The following IQCK variants were observed in gnomAD, a reference collection of about 807,000 sequenced individuals.
IQCK encodes IQ domain-containing protein K.
Under a neutral mutation model 28.1 loss-of-function variants are expected in IQCK, and 29 were observed. The observed-to-expected ratio is 1.03, with a 90% CI of 0.77 to 1.41. The LOEUF (loss-of-function observed/expected upper bound fraction) is 1.41, where lower values mean the gene tolerates loss of function less well. Ranked by LOEUF, IQCK falls within the 40% of genes most tolerant of loss-of-function variation. The probability of loss-of-function intolerance (pLI) is 0.00; values close to 1 mark genes in which losing one functional copy is unlikely to be tolerated. For synonymous variants in IQCK, 113 were observed against 115.1 expected (o/e 0.98, Z 0.12); for missense variants, 359 against 314.7 (o/e 1.14, Z -1.07).
chr16:19,718,319 C>T (rs149136295), exon 1 of IQCK: 9 of 1,607,226 alleles, frequency 5.6e-6, no homozygotes, highest in Non-Finnish European at 7.6e-6. Context: ...GGCGGCACCG[C>T]GGCAAATCCC....
intron 4 of IQCK, among the ~76,000 whole-genome samples, chr16:19,744,063 T>C (rs779399725): frequency 7.9e-5 from 12 of 152,302 alleles, no homozygotes; most frequent in African/African-American, 1.2e-4. Flanking sequence ...AGCAATTCCA[T>C]GATTCCAGCC....
intron 9 of IQCK, among the ~76,000 whole-genome samples, chr16:19,836,791 C>T (rs1052566548): frequency 1.3e-5 from 2 of 152,138 alleles, no homozygotes; most frequent in African/African-American, 2.4e-5. Context: ...AGATTACAGG[C>T]GTTAGCCACC....
chr16:19,736,358 G>A (rs1978014719), intron 4 of IQCK, among the ~76,000 whole-genome samples: 1 of 151,986 alleles, frequency 6.6e-6, no homozygotes, highest in Non-Finnish European at 1.5e-5. Context: ...AACCTCCAGG[G>A]CTCAGTTGAT....
chr16:19,814,237 A>C (rs2055949449), intron 7 of IQCK, among the ~76,000 whole-genome samples: 1 of 147,860 alleles, frequency 6.8e-6, no homozygotes, highest in South Asian at 2.1e-4. Flanking sequence ...AAAAAAAAAA[A>C]AAAAAAAAAC....
chr16:19,733,663 A>C, intron 2 of IQCK, 35 bp from the exon 3 acceptor site: 1 of 1,609,938 alleles, frequency 6.2e-7, no homozygotes, highest in Non-Finnish European at 8.5e-7. Flanking sequence ...TAAGCTGTTT[A>C]AATGAATTGC....
At chr16:19,818,044 C>T (rs984889026) in intron 7 of IQCK, among the ~76,000 whole-genome samples, 26 of 148,558 alleles carry the variant, frequency 1.8e-4, no homozygotes, top group Admixed American at 1.7e-3. Context: ...GCTTAGATCC[C>T]GATAAACACG....
chr16:19,733,221 G>A (rs1411050242), intron 2 of IQCK, among the ~76,000 whole-genome samples: 1 of 151,538 alleles, frequency 6.6e-6, no homozygotes, highest in African/African-American at 2.4e-5. Context: ...CACTGTAGCC[G>A]CCACCTCCTG....
At chr16:19,742,841 A>G (rs1352658406) in intron 4 of IQCK, among the ~76,000 whole-genome samples, 8 of 152,186 alleles carry the variant, frequency 5.3e-5, no homozygotes, top group African/African-American at 1.7e-4. Flanking sequence ...CTCAATGAGT[A>G]TTTATTGGAT....
chr16:19,811,094 G>A (rs1345028991), intron 7 of IQCK, among the ~76,000 whole-genome samples: 1 of 152,104 alleles, frequency 6.6e-6, no homozygotes, highest in East Asian at 1.9e-4. Flanking sequence ...GACCAGCCTG[G>A]GGAACATGGC....
chr16:19,837,200 C>T lies in IQCK; in HGVS notation c.802+10063C>T, dbSNP rs140760659. 4.3e-3 allele frequency among the ~76,000 whole-genome samples: 651 copies of T among 152,074 alleles called. 8 individuals are homozygous for T. The highest frequency in any genetic ancestry group is 0.015 in the African/African-American group (627 of 41,494). On this transcript the variant is annotated intron_variant, in intron 9 of 9. Transcript: ENST00000320394. ...AGGATCACTCGAGAGCCCAGGAGTT[C>T]GAGACCAGCCCGGGCAACACAGAGA...
rs78263419 is a variant in IQCK, at chr16:19,813,617, G to A, written c.691-13409G>A. Among the ~76,000 whole-genome samples, 879 of 152,228 alleles carry A rather than the reference G, an allele frequency of 5.8e-3. 4 individuals carry two copies. Among genetic ancestry groups the A allele is most frequent in the South Asian group, 0.011 (51 of 4,828 alleles). ...ACAAAGGCATTTAAAAACACATCTCGCATTGAAAGAACTGCTAAATGATAT... is the reference window on the plus strand; with the variant it reads ...ACAAAGGCATTTAAAAACACATCTCACATTGAAAGAACTGCTAAATGATAT... On this transcript the variant is annotated intron_variant, in intron 7 of 7. Coordinates refer to ENST00000564186, the Ensembl canonical transcript of IQCK.
chr16:19,743,481 G>T (rs2054865370), intron 4 of IQCK, among the ~76,000 whole-genome samples: 1 of 152,222 alleles, frequency 6.6e-6, no homozygotes, highest in Non-Finnish European at 1.5e-5. Flanking sequence ...TAGGATTCAA[G>T]AATAGTAGTT....
intron 9 of IQCK, among the ~76,000 whole-genome samples, chr16:19,840,031 CAA>C (rs34066297): frequency 1.7e-5 from 2 of 118,026 alleles, no homozygotes; most frequent in East Asian, 2.4e-4. Flanking sequence ...GAACTGTTTC[CAA>C]AAAAAAAAAA....
intron 5 of IQCK, 57 bp from the exon 6 acceptor site, chr16:19,763,978 G>T: frequency 6.3e-7 from 1 of 1,595,884 alleles, no homozygotes; most frequent in Non-Finnish European, 8.6e-7. Flanking sequence ...AGCAACAACT[G>T]ACTTGAATTC....
At chr16:19,735,404 G>A (rs1440504356) in exon 4 of IQCK, 18 of 1,614,010 alleles carry the variant, frequency 1.1e-5, no homozygotes. Flanking sequence ...CTGCTTCCCG[G>A]AATGGCTAGC....
At chr16:19,764,921 G>C (rs569883685) in intron 6 of IQCK, among the ~76,000 whole-genome samples, 1 of 136,024 alleles carries the variant, frequency 7.4e-6, no homozygotes, top group Non-Finnish European at 1.6e-5. Flanking sequence ...GGATGGTCTC[G>C]ATCTCCTGAC....
downstream of IQCK, among the ~76,000 whole-genome samples, chr16:19,829,211 G>A (rs541743661): frequency 4.6e-5 from 7 of 151,802 alleles, no homozygotes; most frequent in African/African-American, 1.4e-4. Flanking sequence ...CATGCCTTGG[G>A]TCGTCTAACC....
intron 4 of IQCK, among the ~76,000 whole-genome samples, chr16:19,762,781 A>G (rs1156475661): frequency 1.3e-5 from 2 of 152,260 alleles, no homozygotes; most frequent in East Asian, 3.9e-4. Context: ...TTGGGAGGCC[A>G]AGGCAGGGCA....
At chr16:19,719,670 A>ATTTT (rs1204084614) in intron 1 of IQCK, among the ~76,000 whole-genome samples, 4 of 126,596 alleles carry the variant, frequency 3.2e-5, no homozygotes, top group East Asian at 2.2e-4. Flanking sequence ...TTGGACTCAA[A>ATTTT]TTTTTTTTTT....
Sources: allele counts gnomAD v4.1 joint callset (sites outside exome capture counted in the v4.1 genomes callset), GRCh38; gene constraint gnomAD v4.1.1; transcripts MANE v1.5; gene names NCBI Gene and HGNC (gene_info 2026-07-23, HGNC 2026-07-21).